The following NAV1 variants were observed in gnomAD, a reference collection of about 807,000 sequenced individuals.
The protein encoded by NAV1 is neuron navigator 1, also known as pore membrane and/or filament interacting like protein 3.
A neutral mutation model predicts 175.2 loss-of-function variants in NAV1; 18 were observed. That is an observed-to-expected ratio of 0.10 (90% confidence interval 0.07 to 0.15). The LOEUF (loss-of-function observed/expected upper bound fraction) is 0.15, where lower values mean the gene tolerates loss of function less well. Among genes scored for constraint, NAV1 ranks in the 10% least tolerant of loss-of-function variants. The probability of loss-of-function intolerance (pLI) is 1.00; values close to 1 mark genes in which losing one functional copy is unlikely to be tolerated. For synonymous variants in NAV1, 897 were observed against 978.7 expected (o/e 0.92, Z 1.56); for missense variants, 1,731 against 2,436.6 (o/e 0.71, Z 6.10).
intron 3 of NAV1, among the ~76,000 whole-genome samples, chr1:201,778,447 TTA>T: frequency 6.6e-6 from 1 of 152,224 alleles, no homozygotes. Flanking sequence ...GCCAAAGATC[TTA>T]TCTTGACCTG....
chr1:201,715,203 C>G (rs554855706), intron 2 of NAV1, among the ~76,000 whole-genome samples: 5 of 150,820 alleles, frequency 3.3e-5, no homozygotes, highest in Non-Finnish European at 7.4e-5. Flanking sequence ...TCACTGTCTC[C>G]CAGGCTGGAG....
intron 12 of NAV1, 50 bp downstream of exon 16, chr1:201,790,627 T>C (rs771328000): frequency 5.0e-6 from 8 of 1,614,010 alleles, no homozygotes; most frequent in Admixed American, 1.7e-5. Flanking sequence ...TGCACCTCAT[T>C]TTCCTTCCAA....
intron 3 of NAV1, among the ~76,000 whole-genome samples, chr1:201,743,946 A>G (rs1673597142): frequency 6.6e-6 from 1 of 152,174 alleles, no homozygotes; most frequent in African/African-American, 2.4e-5. Context: ...GTGCAATGGC[A>G]TGATCTCAGC....
rs762617714 is a variant in NAV1, at chr1:201,813,304, A to G, written c.5340+46A>G. 1.6e-6 allele frequency: 2 copies of G among 1,241,544 alleles called. No homozygotes were observed. Among genetic ancestry groups the G allele is most frequent in the South Asian group, 2.5e-5 (2 of 80,560 alleles). 76.9% of individuals were successfully genotyped at this position (1,241,544 alleles called of 1,614,324 possible). ...TCAAACCCTAAGATCAGGCTGTCCTACCTAACAAAGTAGGAATGTTTCTTT... is the reference window on the plus strand; with the variant it reads ...TCAAACCCTAAGATCAGGCTGTCCTGCCTAACAAAGTAGGAATGTTTCTTT... On this transcript the variant is annotated intron_variant, in intron 28 of 29. Transcript: ENST00000367296. This position sits in a 1 kb window ranked among gnomAD's most constrained non-coding sequence, Gnocchi z 4.2.
intron 1 of NAV1, among the ~76,000 whole-genome samples, chr1:201,665,399 C>G (rs1182672310): frequency 6.6e-6 from 1 of 152,188 alleles, no homozygotes; most frequent in African/African-American, 2.4e-5. Context: ...CAGCAGCTGG[C>G]TTAGAAATCA....
intron 3 of NAV1, among the ~76,000 whole-genome samples, chr1:201,777,104 A>G (rs752475809): frequency 2.0e-5 from 3 of 152,272 alleles, no homozygotes; most frequent in African/African-American, 4.8e-5. Context: ...AAGACATTTT[A>G]TGACATGTAA....
chr1:201,564,843 C>T (rs1323718734), intron 1 of NAV1, among the ~76,000 whole-genome samples: 1 of 152,200 alleles, frequency 6.6e-6, no homozygotes, highest in Non-Finnish European at 1.5e-5. Context: ...GGAGGCCACC[C>T]TCAATCTTTG....
chr1:201,639,817 G>A (rs917183474), intron 2 of NAV1, among the ~76,000 whole-genome samples: 3 of 152,174 alleles, frequency 2.0e-5, no homozygotes, highest in African/African-American at 7.2e-5. Flanking sequence ...TCCAGCTGGG[G>A]ACATGGGCTT....
chr1:201,609,132 G>A (rs927339095), intron 2 of NAV1, among the ~76,000 whole-genome samples: 3 of 152,212 alleles, frequency 2.0e-5, no homozygotes, highest in Non-Finnish European at 4.4e-5. Flanking sequence ...TGACTCCTGG[G>A]CTGCATGTGA....
At chr1:201,799,680 T>C (rs558652854) in intron 15 of NAV1, among the ~76,000 whole-genome samples, 1 of 152,184 alleles carries the variant, frequency 6.6e-6, no homozygotes, top group Admixed American at 6.5e-5. Context: ...GTCAACATGG[T>C]GAAACCCTGT....
intron 1 of NAV1, among the ~76,000 whole-genome samples, chr1:201,672,858 C>G (rs1360416139): frequency 6.6e-6 from 1 of 152,198 alleles, no homozygotes. Flanking sequence ...TGAGAACTTA[C>G]CGCCCAACAG....
chr1:201,759,036 AG>A (rs1674679817), intron 3 of NAV1, among the ~76,000 whole-genome samples: 1 of 152,240 alleles, frequency 6.6e-6, no homozygotes, highest in Non-Finnish European at 1.5e-5. Flanking sequence ...ATGTATGTTA[AG>A]TGCCCAGCAA....
chr1:201,732,462 A>G (rs944683824), intron 3 of NAV1, among the ~76,000 whole-genome samples: 4 of 151,950 alleles, frequency 2.6e-5, no homozygotes, highest in Non-Finnish European at 4.4e-5. Context: ...TACAGGCATG[A>G]GTCACCATGT....
At chr1:201,546,618 T>C (rs963920941) in intron 1 of NAV1, among the ~76,000 whole-genome samples, 1 of 152,074 alleles carries the variant, frequency 6.6e-6, no homozygotes, top group African/African-American at 2.4e-5. Flanking sequence ...TTAAGAGTAA[T>C]TTGTTGCCAG....
At chr1:201,552,169 G>A (rs976916823) in intron 1 of NAV1, among the ~76,000 whole-genome samples, 5 of 152,190 alleles carry the variant, frequency 3.3e-5, no homozygotes, top group Non-Finnish European at 5.9e-5. Flanking sequence ...GCAGGGAGGG[G>A]GCCAGAGGCC....
At chr1:201,672,860 G>C (rs535392904) in intron 1 of NAV1, among the ~76,000 whole-genome samples, 19 of 152,294 alleles carry the variant, frequency 1.2e-4, no homozygotes, top group African/African-American at 4.3e-4. Context: ...AGAACTTACC[G>C]CCCAACAGAC....
chr1:201,792,006 T>G (rs541151868), intron 13 of NAV1: 60 of 152,032 alleles, frequency 3.9e-4, no homozygotes, highest in African/African-American at 1.4e-3. Flanking sequence ...GCAGAGAACA[T>G]TATTATGTCT....
At chr1:201,602,650 GGT>G (rs1667551430) in intron 2 of NAV1, among the ~76,000 whole-genome samples, 1 of 113,484 alleles carries the variant, frequency 8.8e-6, no homozygotes, top group Non-Finnish European at 1.9e-5. Flanking sequence ...TTTTTTTTTT[GGT>G]TTTTTTTTTT....
chr1:201,643,470 G>A (rs914551053), upstream of NAV1, among the ~76,000 whole-genome samples: 1 of 143,092 alleles, frequency 7.0e-6, no homozygotes, highest in Non-Finnish European at 1.5e-5. Context: ...GTCTCACTCT[G>A]TGGCACAGTA....
Sources: allele counts gnomAD v4.1 joint callset (sites outside exome capture counted in the v4.1 genomes callset), GRCh38; gene constraint gnomAD v4.1.1; non-coding constraint Gnocchi (gnomAD v3.1); transcripts MANE v1.5; gene names NCBI Gene and HGNC (gene_info 2026-07-23, HGNC 2026-07-21).